PALLD: variants seen among roughly 807,000 people sequenced by gnomAD.
PALLD encodes palladin, cytoskeletal associated protein, also known as palladin.
Under a neutral mutation model 123.5 loss-of-function variants are expected in PALLD, and 61 were observed. That is an observed-to-expected ratio of 0.49 (90% CI 0.40 to 0.61). PALLD has a LOEUF of 0.61. Among genes scored for constraint, PALLD ranks in the 20% least tolerant of loss-of-function variants. The probability of loss-of-function intolerance (pLI) is 0.00; values close to 1 mark genes in which losing one functional copy is unlikely to be tolerated. For synonymous variants in PALLD, 465 were observed against 496.4 expected (o/e 0.94, Z 0.84); for missense variants, 1,273 against 1,377.0 (o/e 0.92, Z 1.20).
intron 10 of PALLD, among the ~76,000 whole-genome samples, chr4:168,780,932 C>T (rs1735825463): frequency 6.6e-6 from 1 of 152,184 alleles, no homozygotes; most frequent in African/African-American, 2.4e-5. Context: ...AGGTGATCTG[C>T]CCACTTCAGC....
At chr4:168,721,608 A>C (rs1379941582) in intron 10 of PALLD, among the ~76,000 whole-genome samples, 1 of 152,188 alleles carries the variant, frequency 6.6e-6, no homozygotes, top group Non-Finnish European at 1.5e-5. Context: ...TTTTGACATA[A>C]TGCTTTTATA....
intron 10 of PALLD, among the ~76,000 whole-genome samples, chr4:168,725,461 T>C (rs1786460237): frequency 6.7e-6 from 1 of 150,026 alleles, no homozygotes; most frequent in Non-Finnish European, 1.5e-5. Flanking sequence ...CTAAAAGACA[T>C]AAAAGGTGGC....
At chr4:168,812,491 T>C (rs1003210078) in intron 10 of PALLD, among the ~76,000 whole-genome samples, 1 of 152,186 alleles carries the variant, frequency 6.6e-6, no homozygotes, top group Non-Finnish European at 1.5e-5. Flanking sequence ...AACAGGGAGT[T>C]GGGCAGAAAG....
chr4:168,835,170 AT>A (rs1277496048), intron 10 of PALLD, among the ~76,000 whole-genome samples: 1 of 152,176 alleles, frequency 6.6e-6, no homozygotes, highest in African/African-American at 2.4e-5. Flanking sequence ...CACTTCAACA[AT>A]TTTGTATCAA....
At position 168,512,170 on chromosome 4, in the gene PALLD, C is replaced by A. The variant is rs755190590; in HGVS notation, c.666C>A (p.Ser222Arg). 6.2e-7 allele frequency: 1 copy of A among 1,614,060 alleles called. No individual in the cohort carries two copies. The highest frequency in any genetic ancestry group is 1.1e-5 in the South Asian group (1 of 91,078). Residue 222 changes from serine (S) to arginine (R), a missense_variant, in exon 2 of 22, where the codon AGC becomes AGA. Transcript: ENST00000505667. ...SALLSASASQ[S>R]PMEDQGEMER... Reference sequence around the variant, plus strand: ...TGCTGAGTGCCTCAGCCAGCCAGAGCCCTATGGAAGACCAAGGGGAGATGG... The same window carrying A: ...TGCTGAGTGCCTCAGCCAGCCAGAGACCTATGGAAGACCAAGGGGAGATGG...
Position 168,913,979 on chromosome 4 carries a change from G to A in PALLD, c.2675G>A (p.Gly892Asp), listed in dbSNP as rs863224703. The A allele has an allele frequency of 2.5e-6, 4 of 1,613,326 alleles. No homozygotes were observed. The highest frequency in any genetic ancestry group is 1.6e-4 in the Middle Eastern group (1 of 6,062). The change falls in exon 16 of 22, where the codon GGT becomes GAT. Residue 892 changes from glycine (G) to aspartate (D), a missense_variant. Coordinates refer to ENST00000505667, the MANE Select transcript of PALLD (RefSeq NM_001166108.2). Reference sequence around the variant, plus strand: ...ATGGTACAGGCTGTCAACCAAAGAGGTCGAAGTCCCCGGTCTCCCTCAGGC... The same window carrying A: ...ATGGTACAGGCTGTCAACCAAAGAGATCGAAGTCCCCGGTCTCCCTCAGGC... ...RLMVQAVNQR[G>D]RSPRSPSGHP... is the part of the protein sequence containing the mutation.
At chr4:168,782,363 A>G in intron 10 of PALLD, among the ~76,000 whole-genome samples, 1 of 152,262 alleles carries the variant, frequency 6.6e-6, no homozygotes, top group East Asian at 1.9e-4. Context: ...GATAGTGTCT[A>G]GAAAATTAGT....
intron 8 of PALLD, among the ~76,000 whole-genome samples, chr4:168,692,201 C>A (rs891269894): frequency 2.6e-4 from 39 of 152,188 alleles, no homozygotes; most frequent in African/African-American, 8.9e-4. Context: ...TGGGCCACTG[C>A]AGGTCAGATT....
intron 2 of PALLD, among the ~76,000 whole-genome samples, chr4:168,561,686 C>T (rs1195271852): frequency 6.6e-6 from 1 of 152,182 alleles, no homozygotes; most frequent in Non-Finnish European, 1.5e-5. Flanking sequence ...ATGCATATAA[C>T]TCACAGATTA....
intron 15 of PALLD, among the ~76,000 whole-genome samples, chr4:168,912,639 G>A (rs921331576): frequency 2.0e-5 from 3 of 152,210 alleles, no homozygotes; most frequent in African/African-American, 4.8e-5. Flanking sequence ...ATGAGGTACA[G>A]TGTGATATTT....
chr4:168,669,528 G>A (rs1453752638), intron 3 of PALLD, among the ~76,000 whole-genome samples: 1 of 152,114 alleles, frequency 6.6e-6, no homozygotes, highest in Non-Finnish European at 1.5e-5. Flanking sequence ...GAGCCCATGA[G>A]GTCAAGGTTA....
At chr4:168,519,377 T>C (rs1763306952) in intron 2 of PALLD, among the ~76,000 whole-genome samples, 1 of 152,264 alleles carries the variant, frequency 6.6e-6, no homozygotes, top group South Asian at 2.1e-4. Flanking sequence ...ATGTCTCTAA[T>C]GAATACTTTG....
chr4:168,681,050 G>C (rs955714428), intron 3 of PALLD, among the ~76,000 whole-genome samples: 1 of 152,066 alleles, frequency 6.6e-6, no homozygotes, highest in Non-Finnish European at 1.5e-5. Flanking sequence ...TTAAAAGTAC[G>C]GTTGTGATGA....
chr4:168,891,092 T>C (rs772631987), intron 11 of PALLD, 35 bp downstream of exon 11: 26 of 1,608,774 alleles, frequency 1.6e-5, no homozygotes, highest in Non-Finnish European at 2.2e-5. Flanking sequence ...CTTGGAATGT[T>C]AGCTACCCAC....
At chr4:168,613,341 C>T (rs1209380032) in intron 2 of PALLD, among the ~76,000 whole-genome samples, 2 of 152,170 alleles carry the variant, frequency 1.3e-5, no homozygotes, top group Non-Finnish European at 2.9e-5. Flanking sequence ...AACATCTTGA[C>T]TGAGGTGTAT....
chr4:168,504,849 T>A (rs927136562), intron 1 of PALLD: 1 of 152,228 alleles, frequency 6.6e-6, no homozygotes, highest in African/African-American at 2.4e-5. Context: ...AGAACCACTT[T>A]AATGGCGTTG....
intron 15 of PALLD, among the ~76,000 whole-genome samples, chr4:168,910,220 C>CTTT (rs70961563): frequency 2.6e-5 from 3 of 114,008 alleles, no homozygotes; most frequent in Non-Finnish European, 1.8e-5. Flanking sequence ...AACCTGTTTA[C>CTTT]TTTTTTTTTT....
chr4:168,776,446 A>G (rs535093677), intron 10 of PALLD, among the ~76,000 whole-genome samples: 10 of 152,278 alleles, frequency 6.6e-5, no homozygotes, highest in Admixed American at 5.9e-4. Flanking sequence ...GTTGTTTGCA[A>G]ATACAGACAG....
At chr4:168,582,376 G>A (rs578138341) in intron 2 of PALLD, among the ~76,000 whole-genome samples, 6 of 151,896 alleles carry the variant, frequency 4.0e-5, no homozygotes, top group Non-Finnish European at 8.8e-5. Flanking sequence ...GAGTCGTTAG[G>A]GCTTTCTATA....
Sources: allele counts gnomAD v4.1 joint callset (sites outside exome capture counted in the v4.1 genomes callset), GRCh38; gene constraint gnomAD v4.1.1; transcripts MANE v1.5; gene names NCBI Gene and HGNC (gene_info 2026-07-23, HGNC 2026-07-21).